The following STK4 variants were observed in gnomAD, a reference collection of about 807,000 sequenced individuals.
STK4 encodes the protein serine/threonine-protein kinase 4.
Under a neutral mutation model 64.9 loss-of-function variants are expected in STK4, and 30 were observed. That is an observed-to-expected ratio of 0.46 (90% CI 0.35 to 0.63). The LOEUF is 0.63. Among genes scored for constraint, STK4 ranks in the 20% least tolerant of loss-of-function variants. The pLI, the probability that STK4 is intolerant of heterozygous loss-of-function variation, is 0.01. For synonymous variants in STK4, 177 were observed against 199.0 expected, an observed-to-expected ratio of 0.89 and a Z score of 0.93; for missense variants, 466 against 598.5, an observed-to-expected ratio of 0.78 and a Z score of 2.31.
intron 10 of STK4, among the ~76,000 whole-genome samples, chr20:45,056,994 A>C (rs931058407): frequency 6.6e-6 from 1 of 152,348 alleles, no homozygotes; most frequent in African/African-American, 2.4e-5. Context: ...GGCAGAGAGC[A>C]GGCCATCCAG....
intron 9 of STK4, among the ~76,000 whole-genome samples, chr20:45,012,948 ATTTTTTTTT>A (rs60788017): frequency 5.9e-5 from 3 of 51,166 alleles, no homozygotes; most frequent in East Asian, 7.4e-4. Context: ...CACACCTGTG[ATTTTTTTTT>A]TTTTTTTTTT....
chr20:44,981,981 T>A, intron 4 of STK4, 38 bp downstream of exon 4: 1 of 1,358,486 alleles, frequency 7.4e-7, no homozygotes, highest in Non-Finnish European at 1.1e-6. Context: ...TGAGCTAGTT[T>A]CTTATGCCAT....
intron 10 of STK4, among the ~76,000 whole-genome samples, chr20:45,071,854 G>A (rs1319536699): frequency 2.0e-5 from 3 of 152,026 alleles, no homozygotes; most frequent in Non-Finnish European, 4.4e-5. Context: ...CTGCAGCCTT[G>A]GAGTGGGCTC....
intron 2 of STK4, chr20:44,974,057 T>A (rs568859233): frequency 2.1e-4 from 32 of 152,344 alleles, no homozygotes; most frequent in African/African-American, 7.0e-4. Flanking sequence ...TATGATTTTT[T>A]AAATTGTATT....
chr20:45,039,938 A>T (rs2068585990), intron 10 of STK4, among the ~76,000 whole-genome samples: 1 of 152,030 alleles, frequency 6.6e-6, no homozygotes, highest in Non-Finnish European at 1.5e-5. Flanking sequence ...ATATGAAAAT[A>T]GTTTGGTCTT....
chr20:45,012,529 A>G (rs907041849), intron 9 of STK4, among the ~76,000 whole-genome samples: 4 of 152,178 alleles, frequency 2.6e-5, no homozygotes, highest in African/African-American at 9.6e-5. Context: ...TTATAATTGT[A>G]CCAACAAAGA....
intron 9 of STK4, among the ~76,000 whole-genome samples, chr20:45,019,406 G>C (rs1158979267): frequency 6.6e-6 from 1 of 152,146 alleles, no homozygotes; most frequent in Non-Finnish European, 1.5e-5. Flanking sequence ...ATATTCCACT[G>C]TATGGATACA....
intron 9 of STK4, among the ~76,000 whole-genome samples, chr20:45,018,356 G>A (rs1273827825): frequency 6.6e-6 from 1 of 152,118 alleles, no homozygotes; most frequent in African/African-American, 2.4e-5. Flanking sequence ...GAAACAGTAG[G>A]TTGACCATAT....
chr20:45,070,305 T>C (rs550767048), intron 10 of STK4, among the ~76,000 whole-genome samples: 1 of 152,312 alleles, frequency 6.6e-6, no homozygotes, highest in South Asian at 2.1e-4. Context: ...TTTTTAATTA[T>C]GTTTGTTGCT....
intron 10 of STK4, among the ~76,000 whole-genome samples, chr20:45,042,825 T>C (rs993137089): frequency 6.6e-6 from 1 of 151,006 alleles, no homozygotes; most frequent in Non-Finnish European, 1.5e-5. Context: ...AAATGTTAGA[T>C]TTTACTTTTT....
intron 10 of STK4, among the ~76,000 whole-genome samples, chr20:45,047,606 G>T (rs1378557088): frequency 6.6e-6 from 1 of 152,100 alleles, no homozygotes; most frequent in Non-Finnish European, 1.5e-5. Context: ...ATGTTAATTG[G>T]ACTATAATTT....
intron 9 of STK4, among the ~76,000 whole-genome samples, chr20:45,009,946 C>A (rs1251311913): frequency 6.6e-6 from 1 of 152,108 alleles, no homozygotes; most frequent in Non-Finnish European, 1.5e-5. Flanking sequence ...TTAGGATTTT[C>A]TAGGTATAGA....
In STK4 at chr20:45,000,471, G is replaced by T. The variant is rs200716827; in HGVS notation, c.911G>T (p.Arg304Leu). The T allele has an allele frequency of 5.6e-6, 9 of 1,613,960 alleles. No individual in the cohort carries two copies. In the South Asian group the frequency reaches 6.6e-5, roughly 12 times the overall value. Residue 304 changes from arginine to leucine, a missense_variant, in exon 8 of 11, where the codon CGC becomes CTC. Arg to Leu is a moderately radical substitution (Grantham distance 102). Around this residue, in one of 2 missense-constraint regions of STK4, gnomAD observed 276 missense variants for 308.9 expected, o/e 0.89. Coordinates refer to ENST00000372806, the MANE Select transcript of STK4 (RefSeq NM_006282.5). ...GAAGCCATGGATGTGAAACTGAAAC[G>T]CCAGGAATCCCAGCAGCGGGAAGTG... ...INEAMDVKLKRQESQQREVDQ... is the reference protein window; with the variant it reads ...INEAMDVKLKLQESQQREVDQ...
chr20:45,068,947 C>T (rs1979820760), intron 10 of STK4, among the ~76,000 whole-genome samples: 1 of 152,204 alleles, frequency 6.6e-6, no homozygotes. Flanking sequence ...AAAAATATGT[C>T]TACTTTAAGA....
At chr20:45,021,552 T>G (rs184478240) in intron 9 of STK4, among the ~76,000 whole-genome samples, 30 of 152,350 alleles carry the variant, frequency 2.0e-4, no homozygotes, top group African/African-American at 7.2e-4. Context: ...CCAGTTAAGG[T>G]GGCTTCCCCT....
chr20:45,013,153 G>A (rs1256219574), intron 9 of STK4, among the ~76,000 whole-genome samples: 2 of 151,748 alleles, frequency 1.3e-5, no homozygotes, highest in African/African-American at 2.4e-5. Flanking sequence ...AGAGCTGGTA[G>A]TGGACATTCT....
At chr20:45,064,839 A>G (rs1230196597) in intron 10 of STK4, among the ~76,000 whole-genome samples, 1 of 152,248 alleles carries the variant, frequency 6.6e-6, no homozygotes, top group East Asian at 1.9e-4. Flanking sequence ...TATCAGATCA[A>G]GGAGCTTTTG....
At chr20:45,047,213 A>C (rs2068710176) in intron 10 of STK4, among the ~76,000 whole-genome samples, 1 of 152,164 alleles carries the variant, frequency 6.6e-6, no homozygotes, top group East Asian at 1.9e-4. Flanking sequence ...TAATATCCTC[A>C]CATGGTAGAT....
At chr20:44,970,142 A>G (rs968990341) in intron 1 of STK4, among the ~76,000 whole-genome samples, 33 of 152,230 alleles carry the variant, frequency 2.2e-4, no homozygotes, top group African/African-American at 7.7e-4. Flanking sequence ...TGACGAGTTA[A>G]TGGGTGCAGC....
Sources: allele counts gnomAD v4.1 joint callset (sites outside exome capture counted in the v4.1 genomes callset), GRCh38; gene constraint gnomAD v4.1.1; regional missense constraint gnomAD v4.1.1; transcripts MANE v1.5; gene names NCBI Gene and HGNC (gene_info 2026-07-23, HGNC 2026-07-21).